The following PIKFYVE variants were observed in gnomAD, a reference collection of about 807,000 sequenced individuals.
PIKFYVE encodes 1-phosphatidylinositol 3-phosphate 5-kinase.
In PIKFYVE, 122 loss-of-function variants were observed where a neutral mutation model predicts 257.9. The ratio of observed to expected loss-of-function variants is 0.47; its 90% CI spans 0.41 to 0.55. The LOEUF (loss-of-function observed/expected upper bound fraction) is 0.55, where lower values mean the gene tolerates loss of function less well. PIKFYVE is among the 20% of genes least tolerant of loss of function. The pLI is 0.00. For missense variants in PIKFYVE, 2,160 were observed against 2,536.6 expected, an observed-to-expected ratio of 0.85 and a Z score of 3.19; for synonymous variants, 892 against 868.9, an observed-to-expected ratio of 1.03 and a Z score of -0.47.
At position 208,326,381 on chromosome 2, in the gene PIKFYVE, T is replaced by C; in HGVS notation, c.3570T>C (p.Gly1190=). The part of the protein sequence containing the change: ...SSGQSGSKNE[G]DEERGLILSD... Reference sequence around the variant, plus strand: ...GCCAATCAGGAAGCAAAAATGAGGGTGATGAAGAGAGAGGGCTTATTCTGA... The same window carrying C: ...GCCAATCAGGAAGCAAAAATGAGGGCGATGAAGAGAGAGGGCTTATTCTGA... Residue 1190 remains glycine (G), a synonymous_variant, in exon 20 of 42, where the codon GGT becomes GGC. Transcript: ENST00000264380. 1 of 1,613,828 alleles carries C rather than the reference T, an allele frequency of 6.2e-7. No individual in the cohort carries two copies. The highest frequency in any genetic ancestry group is 1.1e-5 in the South Asian group (1 of 91,062).
chr2:208,335,236 C>A (rs1698001532), intron 24 of PIKFYVE, 70 bp from the exon 25 acceptor site: 2 of 1,037,682 alleles, frequency 1.9e-6, no homozygotes, highest in Non-Finnish European at 3.0e-6. Flanking sequence ...AGTTGAACAT[C>A]ATGATACAGC....
At chr2:208,296,211 G>A (rs534453340) in intron 7 of PIKFYVE, among the ~76,000 whole-genome samples, 9 of 152,186 alleles carry the variant, frequency 5.9e-5, no homozygotes, top group South Asian at 2.1e-4. Flanking sequence ...CACCATGTTG[G>A]CCAGGCTGGT....
intron 17 of PIKFYVE, among the ~76,000 whole-genome samples, chr2:208,323,704 G>A (rs1696580953): frequency 1.3e-5 from 2 of 152,182 alleles, no homozygotes; most frequent in Admixed American, 6.5e-5. Context: ...CCACAATGTT[G>A]AACTAGTTTA....
intron 26 of PIKFYVE, 49 bp from the exon 27 acceptor site, chr2:208,335,997 G>A: frequency 1.2e-6 from 2 of 1,608,754 alleles, no homozygotes; most frequent in South Asian, 1.1e-5. Context: ...TTCTTTTGGG[G>A]TATGTCTGTA....
chr2:208,267,933 C>T (rs1688880986), intron 1 of PIKFYVE, among the ~76,000 whole-genome samples: 1 of 152,166 alleles, frequency 6.6e-6, no homozygotes, highest in African/African-American at 2.4e-5. Context: ...TGTGAGCAGC[C>T]ACGTCCGGCC....
intron 12 of PIKFYVE, among the ~76,000 whole-genome samples, chr2:208,306,681 G>A (rs962922267): frequency 6.6e-6 from 1 of 152,104 alleles, no homozygotes; most frequent in Non-Finnish European, 1.5e-5. Flanking sequence ...CATTGTTATG[G>A]TGCAACCCCA....
At chr2:208,327,424 T>C (rs1697056693) in intron 20 of PIKFYVE, among the ~76,000 whole-genome samples, 1 of 152,204 alleles carries the variant, frequency 6.6e-6, no homozygotes. Context: ...ACAAAGATGT[T>C]TATTGAAACA....
intron 40 of PIKFYVE, 137 bp from the exon 41 acceptor site, chr2:208,354,434 G>T: frequency 1.1e-6 from 1 of 912,036 alleles, no homozygotes; most frequent in South Asian, 1.4e-5. Context: ...GAAACCCTGA[G>T]AACAGCACTT....
chr2:208,357,685 C>T lies in PIKFYVE; in HGVS notation c.*2380C>T, dbSNP rs1369832837. The T allele has an allele frequency of 1.3e-5, 2 of 152,168 alleles. No individual in the cohort carries two copies. Among genetic ancestry groups the T allele is most frequent in the Non-Finnish European group, 2.9e-5 (2 of 68,032 alleles). The allele number at this position is 152,168 out of a possible 1,614,324, so 9.4% of individuals were successfully genotyped here. A position where few individuals can be genotyped will look rare whatever the true frequency, so the allele number is the denominator to read the frequency against. On this transcript the variant is annotated 3_prime_UTR_variant, in exon 42 of 42. Coordinates refer to ENST00000264380, the MANE Select transcript of PIKFYVE (RefSeq NM_015040.4). ...GTAGAACTATATGTCTGGTCCCTTG[C>T]TGCTCTTGTTTAGGCCACTATCATA...
At chr2:208,312,186 C>A in intron 12 of PIKFYVE, 50 bp from the exon 13 acceptor site, 2 of 1,294,408 alleles carry the variant, frequency 1.5e-6, no homozygotes, top group Non-Finnish European at 2.2e-6. Context: ...ATGTTATAGT[C>A]ATATGTCTCT....
intron 1 of PIKFYVE, among the ~76,000 whole-genome samples, chr2:208,268,303 T>G (rs1223519425): frequency 6.6e-6 from 1 of 152,116 alleles, no homozygotes; most frequent in Non-Finnish European, 1.5e-5. Context: ...GAAGTAATTC[T>G]AAGACTCTTT....
chr2:208,324,589 T>C (rs935266738), intron 18 of PIKFYVE, among the ~76,000 whole-genome samples: 2 of 152,286 alleles, frequency 1.3e-5, no homozygotes, highest in Middle Eastern at 6.8e-3. Context: ...GAAGACGTTC[T>C]CTCCCTTGAA....
Position 208,314,301 on chromosome 2 carries a change from A to C in PIKFYVE, c.1704A>C (p.Leu568Phe). ...SISDAFIKES[L>F]FNRRVEEKSK... is the part of the protein sequence containing the mutation. ...ATTTTATATTGTACTTAGAATCCTTATTTAATCGCCGAGTAGAGGAAAAAT... is the reference window on the plus strand; with the variant it reads ...ATTTTATATTGTACTTAGAATCCTTCTTTAATCGCCGAGTAGAGGAAAAAT... Residue 568 changes from leucine to phenylalanine, a missense_variant, in exon 14 of 42, where the codon TTA becomes TTC. Physicochemically the swap from Leu to Phe is conservative, Grantham distance 22. Transcript: ENST00000264380. 1 of 1,613,080 alleles carries C rather than the reference A, an allele frequency of 6.2e-7. No individual in the cohort carries two copies. The highest frequency in any genetic ancestry group is 8.5e-7 in the Non-Finnish European group (1 of 1,179,148).
Position 208,342,585 on chromosome 2 carries a change from C to T in PIKFYVE, c.4963C>T (p.His1655Tyr). The T allele has an allele frequency of 6.2e-7, 1 of 1,613,854 alleles. No homozygotes were observed. Among genetic ancestry groups the T allele is most frequent in the South Asian group, 1.1e-5 (1 of 91,082 alleles). The change falls in exon 32 of 42, where the codon CAT becomes TAT. Residue 1655 changes from histidine (H) to tyrosine (Y), a missense_variant. By Grantham distance (83) the His-to-Tyr change is moderately conservative. Coordinates refer to ENST00000264380, the MANE Select transcript of PIKFYVE (RefSeq NM_015040.4). ...DPDKHYLMYE[H>Y]ERVPIAVCEK... Reference sequence around the variant, plus strand: ...AGATAAACACTACTTAATGTATGAACATGAACGAGTGCCCATTGCAGTCTG... The same window carrying T: ...AGATAAACACTACTTAATGTATGAATATGAACGAGTGCCCATTGCAGTCTG...
intron 13 of PIKFYVE, 83 bp downstream of exon 13, chr2:208,312,378 C>CCTTCTCTGTGCTA: frequency 9.5e-7 from 1 of 1,052,336 alleles, no homozygotes; most frequent in Non-Finnish European, 1.4e-6. Flanking sequence ...TTGATTAGCA[C>CCTTCTCTGTGCTA]AGAGAAGGTG....
intron 13 of PIKFYVE, among the ~76,000 whole-genome samples, chr2:208,312,831 C>A (rs933997648): frequency 6.6e-6 from 1 of 152,150 alleles, no homozygotes; most frequent in African/African-American, 2.4e-5. Context: ...AGAGTAAAGA[C>A]ATTCTTAGTC....
intron 40 of PIKFYVE, 23 bp downstream of exon 40, chr2:208,354,182 T>A (rs775126604): frequency 1.6e-5 from 25 of 1,608,874 alleles, no homozygotes; most frequent in Non-Finnish European, 2.1e-5. Context: ...GTACCCTGCT[T>A]ATATTTCATG....
chr2:208,324,912 A>G lies in PIKFYVE; in HGVS notation c.2333A>G (p.Gln778Arg). 6.2e-7 allele frequency: 1 copy of G among 1,613,888 alleles called. No homozygotes were observed. The highest frequency in any genetic ancestry group is 1.3e-5 in the African/African-American group (1 of 75,022). ...GITLVINVKSQVLERISRMTQ... is the reference protein window; with the variant it reads ...GITLVINVKSRVLERISRMTQ... Reference sequence around the variant, plus strand: ...ATACAATGTTTTTCTGTTTTGTAGCAAGTTTTGGAACGAATCAGTCGAATG... The same window carrying G: ...ATACAATGTTTTTCTGTTTTGTAGCGAGTTTTGGAACGAATCAGTCGAATG... The change falls in exon 19 of 42, where the codon CAA becomes CGA. Residue 778 changes from glutamine (Q) to arginine (R), a missense_variant and splice_region_variant. Coordinates refer to ENST00000264380, the MANE Select transcript of PIKFYVE (RefSeq NM_015040.4).
chr2:208,348,036 A>G lies in PIKFYVE; in HGVS notation c.5374+13A>G, dbSNP rs773997400. The G allele has an allele frequency of 1.4e-5, 23 of 1,613,498 alleles. No homozygotes were observed. The South Asian group carries it at 2.4e-4, about 17-fold the overall frequency. ...GTTGAGCCTCAAGGTGTGTTAAAGA[A>G]GAGTAAATGTGCTTATTCTATGCTT... On this transcript the variant is annotated intron_variant, in intron 35 of 41. Transcript: ENST00000264380.
Sources: allele counts gnomAD v4.1 joint callset (sites outside exome capture counted in the v4.1 genomes callset), GRCh38; gene constraint gnomAD v4.1.1; transcripts MANE v1.5; gene names NCBI Gene and HGNC (gene_info 2026-07-23, HGNC 2026-07-21).